IHO1: variants seen among roughly 807,000 people sequenced by gnomAD.
IHO1 encodes interactor of HORMAD1 1.
A neutral mutation model predicts 31.0 loss-of-function variants in IHO1; 13 were observed. The ratio of observed to expected loss-of-function variants is 0.42; its 90% CI spans 0.27 to 0.67. The LOEUF is 0.67. Ranked by LOEUF, IHO1 falls within the 30% of genes least tolerant of loss-of-function variation. The pLI is 0.24. For synonymous variants in IHO1, 221 were observed against 248.4 expected, an observed-to-expected ratio of 0.89 and a Z score of 1.04; for missense variants, 599 against 687.5, an observed-to-expected ratio of 0.87 and a Z score of 1.44.
intron 2 of IHO1, among the ~76,000 whole-genome samples, chr3:49,233,050 G>A (rs1190057381): frequency 6.6e-6 from 1 of 152,174 alleles, no homozygotes; most frequent in Non-Finnish European, 1.5e-5. Flanking sequence ...TGGGAAGATT[G>A]CATTGCAGAA....
intron 4 of IHO1, among the ~76,000 whole-genome samples, chr3:49,241,892 A>C (rs993831984): frequency 6.6e-6 from 1 of 151,830 alleles, no homozygotes; most frequent in Non-Finnish European, 1.5e-5. Context: ...AAATGCTGGA[A>C]TTATAGGCGT....
intron 6 of IHO1, among the ~76,000 whole-genome samples, chr3:49,247,285 A>G (rs1274999294): frequency 1.3e-5 from 2 of 151,798 alleles, no homozygotes; most frequent in African/African-American, 4.8e-5. Context: ...GCTGGAGTGC[A>G]GTAGCACGAT....
intron 2 of IHO1, chr3:49,213,890 G>A (rs1291130493): frequency 3.2e-6 from 1 of 312,388 alleles, no homozygotes; most frequent in Admixed American, 3.2e-5. Flanking sequence ...GGCTCCCATA[G>A]TGCAGCGACA....
chr3:49,220,449 T>G lies in IHO1; in HGVS notation c.56+8613T>G, dbSNP rs139178219. On this transcript the variant is annotated intron_variant, in intron 2 of 7. Coordinates refer to ENST00000452691, the MANE Select transcript of IHO1 (RefSeq NM_001135197.2). ...TGTTACAGCTCTTAAAGATGGTGTG[T>G]CCGGAGTTTGTTCCTTCAGATGTTA... Among the ~76,000 whole-genome samples, 85 of 152,310 alleles carry G rather than the reference T, an allele frequency of 5.6e-4. No homozygotes were observed. In the East Asian group the frequency reaches 0.015, roughly 26 times the overall value.
chr3:49,228,157 G>A (rs888566257), intron 2 of IHO1, among the ~76,000 whole-genome samples: 2 of 152,148 alleles, frequency 1.3e-5, no homozygotes, highest in Non-Finnish European at 2.9e-5. Flanking sequence ...GGATAGATGG[G>A]TGAGTCTCCC....
intron 7 of IHO1, 98 bp downstream of exon 7, chr3:49,255,591 T>A: frequency 1.4e-6 from 1 of 704,962 alleles, no homozygotes; most frequent in Non-Finnish European, 2.2e-6. Context: ...AGACAGAGTC[T>A]CGCTTTGTCG....
intron 1 of IHO1, among the ~76,000 whole-genome samples, chr3:49,205,765 A>AG (rs1437655108): frequency 1.5e-3 from 160 of 103,724 alleles, no homozygotes; most frequent in Middle Eastern, 4.3e-3. Flanking sequence ...GCGCCTGGGC[A>AG]ATTTTTTTTT....
intron 3 of IHO1, among the ~76,000 whole-genome samples, chr3:49,240,034 T>C (rs971731378): frequency 3.3e-5 from 5 of 151,998 alleles, no homozygotes; most frequent in Non-Finnish European, 5.9e-5. Context: ...TTGGTGCTTT[T>C]TTTTCTTTTC....
chr3:49,256,842 C>G lies in IHO1; in HGVS notation c.1345C>G (p.His449Asp), dbSNP rs1209498065. Reference protein sequence around the residue: ...KDKKQQPRKAHRAHRGRLIAS... With the variant: ...KDKKQQPRKADRAHRGRLIAS... Reference sequence around the variant, plus strand: ...CAAGAAGCAGCAGCCCAGGAAGGCCCACAGGGCCCACAGAGGCAGGCTCAT... The same window carrying G: ...CAAGAAGCAGCAGCCCAGGAAGGCCGACAGGGCCCACAGAGGCAGGCTCAT... The change falls in exon 8 of 8, where the codon CAC becomes GAC. Residue 449 changes from histidine to aspartate, a missense_variant. By Grantham distance (81) the His-to-Asp change is moderately conservative (BLOSUM62 -1). Coordinates refer to ENST00000452691, the MANE Select transcript of IHO1 (RefSeq NM_001135197.2). This position sits in a 1 kb window ranked among gnomAD's most constrained non-coding sequence, Gnocchi z 4.6. 1.2e-6 allele frequency: 2 copies of G among 1,614,116 alleles called. No homozygotes were observed. The highest frequency in any genetic ancestry group is 3.3e-5 in the Admixed American group (2 of 60,018).
At chr3:49,231,894 C>A (rs565629481) in intron 2 of IHO1, among the ~76,000 whole-genome samples, 2 of 152,354 alleles carry the variant, frequency 1.3e-5, no homozygotes, top group Non-Finnish European at 2.9e-5. Flanking sequence ...ATGGTGCATT[C>A]CTCATCTTTT....
At position 49,257,127 on chromosome 3, in the gene IHO1, A is replaced by T. The variant is rs2046836408; in HGVS notation, c.1630A>T (p.Asn544Tyr). The change falls in exon 8 of 8, where the codon AAC becomes TAC. Residue 544 changes from asparagine to tyrosine, a missense_variant. Transcript: ENST00000452691. ...LQLSRCSSQD[N>Y]WLLSSSSQGD... ...GCTCAGCAGGTGCTCTTCCCAAGACAACTGGCTACTTTCCAGCAGTTCCCA... is the reference window on the plus strand; with the variant it reads ...GCTCAGCAGGTGCTCTTCCCAAGACTACTGGCTACTTTCCAGCAGTTCCCA... The T allele has an allele frequency of 6.2e-7, 1 of 1,614,132 alleles. No individual in the cohort carries two copies. The highest frequency in any genetic ancestry group is 1.3e-5 in the African/African-American group (1 of 75,024).
upstream of IHO1, among the ~76,000 whole-genome samples, chr3:49,195,757 A>G (rs756550768): frequency 3.3e-5 from 5 of 151,626 alleles, no homozygotes; most frequent in Non-Finnish European, 7.4e-5. Flanking sequence ...TAATAAATAA[A>G]TATATAAATA....
intron 6 of IHO1, among the ~76,000 whole-genome samples, chr3:49,254,231 T>A (rs940904241): frequency 6.6e-6 from 1 of 152,330 alleles, no homozygotes; most frequent in South Asian, 2.1e-4. Context: ...CATCTTCATA[T>A]GACCTGTAGT....
At chr3:49,237,940 A>T (rs1442334427) in intron 3 of IHO1, among the ~76,000 whole-genome samples, 1 of 108,750 alleles carries the variant, frequency 9.2e-6, no homozygotes, top group Non-Finnish European at 1.7e-5. Flanking sequence ...TTGCTCTGTC[A>T]CCTGGGCCGA....
intron 7 of IHO1, 107 bp downstream of exon 7, chr3:49,255,600 C>T (rs908892950): frequency 2.4e-5 from 15 of 621,842 alleles, no homozygotes; most frequent in African/African-American, 8.7e-5. Context: ...CTCGCTTTGT[C>T]GTGCGGTGGT....
intron 4 of IHO1, 99 bp from the exon 5 acceptor site, chr3:49,244,305 A>G (rs941402728): frequency 1.3e-6 from 1 of 772,060 alleles, no homozygotes; most frequent in Non-Finnish European, 2.3e-6. Context: ...TTTTGATGCT[A>G]TGCTAGGTAG....
rs190445074 is a variant in IHO1 at position 49,224,139 on chromosome 3, C to G, written c.56+12303C>G. On this transcript the variant is annotated intron_variant, in intron 2 of 7. Transcript: ENST00000452691. ...CTGGCTTTAGGCATAAGTACCTTTC[C>G]TTCTTCTGTTGTTAACCACCCCGAG... Among the ~76,000 whole-genome samples, 175 of 152,332 alleles carry G rather than the reference C, an allele frequency of 1.1e-3. No homozygotes were observed. In the Middle Eastern group the frequency reaches 0.017, roughly 15 times the overall value.
chr3:49,254,572 G>T (rs556622578), intron 6 of IHO1, among the ~76,000 whole-genome samples: 1 of 152,030 alleles, frequency 6.6e-6, no homozygotes, highest in Non-Finnish European at 1.5e-5. Flanking sequence ...GATTGGTTGC[G>T]GGGGGCGGGG....
chr3:49,250,282 T>C, intron 6 of IHO1, among the ~76,000 whole-genome samples: 1 of 152,192 alleles, frequency 6.6e-6, no homozygotes, highest in East Asian at 1.9e-4. Context: ...ACTATTATGG[T>C]TTTCAGTTAT....
Sources: allele counts gnomAD v4.1 joint callset (sites outside exome capture counted in the v4.1 genomes callset), GRCh38; gene constraint gnomAD v4.1.1; non-coding constraint Gnocchi (gnomAD v3.1); transcripts MANE v1.5; gene names NCBI Gene and HGNC (gene_info 2026-07-23, HGNC 2026-07-21).